DAB1: variants seen among roughly 807,000 people sequenced by gnomAD.
DAB1 encodes disabled homolog 1.
A neutral mutation model predicts 64.6 loss-of-function variants in DAB1; 15 were observed. That is an observed-to-expected ratio of 0.23 (90% CI 0.16 to 0.36). The LOEUF is 0.36. DAB1 is among the 10% of genes least tolerant of loss of function. The pLI, the probability that DAB1 is intolerant of heterozygous loss-of-function variation, is 1.00. For missense variants in DAB1, 596 were observed against 706.7 expected, an observed-to-expected ratio of 0.84 and a Z score of 1.78; for synonymous variants, 235 against 251.9, an observed-to-expected ratio of 0.93 and a Z score of 0.64.
At chr1:57,772,909 G>A (rs961717172) in intron 6 of DAB1, among the ~76,000 whole-genome samples, 1 of 151,998 alleles carries the variant, frequency 6.6e-6, no homozygotes, top group Non-Finnish European at 1.5e-5. Context: ...CCCATAAACC[G>A]AGTGACTGGT....
intron 6 of DAB1, among the ~76,000 whole-genome samples, chr1:57,684,630 C>G (rs1380761621): frequency 6.6e-6 from 1 of 152,062 alleles, no homozygotes; most frequent in Non-Finnish European, 1.5e-5. Flanking sequence ...TAGTGCTAAA[C>G]AGAATCAAAA....
intron 4 of DAB1, among the ~76,000 whole-genome samples, chr1:57,106,940 A>G (rs1160383374): frequency 3.3e-5 from 5 of 152,218 alleles, no homozygotes; most frequent in Admixed American, 3.3e-4. Flanking sequence ...TTGGGGTCTC[A>G]GGGAAAGTTC....
At position 57,596,413 on chromosome 1, in the gene DAB1, A is replaced by G. The variant is rs141432812; in HGVS notation, n.625+53179T>C. ...ACCTGAACATAAGATTGTCTTCCCC[A>G]GCACTTAGCACAATTAATAATTAAT... On this transcript the variant is annotated intron_variant and non_coding_transcript_variant, in intron 7 of 20. Transcript: ENST00000485760. Among the ~76,000 whole-genome samples the G allele has an allele frequency of 3.8e-3, 586 of 152,318 alleles. 4 individuals carry two copies. The highest frequency in any genetic ancestry group is 0.013 in the African/African-American group (561 of 41,570).
intron 9 of DAB1, among the ~76,000 whole-genome samples, chr1:57,039,421 G>C (rs1225799222): frequency 1.3e-5 from 2 of 152,184 alleles, no homozygotes; most frequent in African/African-American, 2.4e-5. Context: ...GTAGACAGGT[G>C]CCAGGTCATG....
chr1:57,185,499 G>A (rs569090859), intron 2 of DAB1, among the ~76,000 whole-genome samples: 2 of 148,348 alleles, frequency 1.3e-5, no homozygotes, highest in Non-Finnish European at 3.0e-5. Flanking sequence ...GAAAAAGAGA[G>A]AGGCAGGAAT....
chr1:57,238,483 C>G (rs958296317), intron 2 of DAB1, among the ~76,000 whole-genome samples: 2 of 152,204 alleles, frequency 1.3e-5, no homozygotes, highest in Non-Finnish European at 2.9e-5. Flanking sequence ...AAGATTCGCT[C>G]TCTTGCTCAC....
At chr1:58,170,398 T>C (rs984438004) in intron 4 of DAB1, among the ~76,000 whole-genome samples, 1 of 152,152 alleles carries the variant, frequency 6.6e-6, no homozygotes, top group Admixed American at 6.5e-5. Context: ...AGAGGGTCAA[T>C]TGATCCTAAA....
chr1:57,121,157 G>GAGGAGA (rs142198999), intron 4 of DAB1, among the ~76,000 whole-genome samples: 9,950 of 140,710 alleles, frequency 0.071, 1,101 homozygotes, highest in African/African-American at 0.24. Context: ...GGAGGAGGAG[G>GAGGAGA]AGGAGGAGAA....
chr1:57,711,576 CCA>C (rs939733086), intron 6 of DAB1, among the ~76,000 whole-genome samples: 1 of 152,176 alleles, frequency 6.6e-6, no homozygotes, highest in Non-Finnish European at 1.5e-5. Context: ...GCACTCTCAT[CCA>C]CAGTTTGGCA....
At chr1:58,359,314 A>C (rs1043846111) in intron 3 of DAB1, among the ~76,000 whole-genome samples, 1 of 152,216 alleles carries the variant, frequency 6.6e-6, no homozygotes, top group African/African-American at 2.4e-5. Context: ...AAATCAATGA[A>C]AGAGCCAGGA....
intron 3 of DAB1, among the ~76,000 whole-genome samples, chr1:58,461,909 C>A (rs1389230305): frequency 6.6e-6 from 1 of 152,108 alleles, no homozygotes; most frequent in East Asian, 1.9e-4. Context: ...CTGACAATTA[C>A]AAATATTTCT....
At chr1:58,428,340 C>A (rs974927903) in intron 3 of DAB1, among the ~76,000 whole-genome samples, 1 of 152,178 alleles carries the variant, frequency 6.6e-6, no homozygotes, top group African/African-American at 2.4e-5. Flanking sequence ...ACAGGAAATA[C>A]AGGAGACAGA....
intron 5 of DAB1, among the ~76,000 whole-genome samples, chr1:58,114,538 G>C (rs551449813): frequency 6.6e-6 from 1 of 152,210 alleles, no homozygotes; most frequent in East Asian, 1.9e-4. Flanking sequence ...ATGGCCCAGA[G>C]GCCAAATCTG....
intron 6 of DAB1, among the ~76,000 whole-genome samples, chr1:57,678,727 G>C (rs1032550305): frequency 6.7e-6 from 1 of 148,510 alleles, no homozygotes; most frequent in East Asian, 2.0e-4. Context: ...TATTTTCCAT[G>C]TATCTTCTCT....
intron 7 of DAB1, among the ~76,000 whole-genome samples, chr1:57,468,448 G>A (rs1687028405): frequency 6.6e-6 from 1 of 152,122 alleles, no homozygotes; most frequent in African/African-American, 2.4e-5. Flanking sequence ...CAACAGATAT[G>A]GATTAAGCTA....
chr1:57,341,884 C>T (rs888452111), intron 1 of DAB1, among the ~76,000 whole-genome samples: 3 of 152,184 alleles, frequency 2.0e-5, no homozygotes, highest in African/African-American at 7.2e-5. Flanking sequence ...ACAGTGAAAG[C>T]ACTGAGAAGC....
intron 7 of DAB1, among the ~76,000 whole-genome samples, chr1:57,495,686 A>G (rs59375981): frequency 6.1e-4 from 93 of 152,344 alleles, no homozygotes; most frequent in African/African-American, 2.2e-3. Context: ...GAAATATGGT[A>G]TAGGGTTCAA....
chr1:57,696,899 T>C (rs1171693553), intron 6 of DAB1, among the ~76,000 whole-genome samples: 5 of 152,206 alleles, frequency 3.3e-5, no homozygotes, highest in Non-Finnish European at 7.3e-5. Flanking sequence ...TGTGCTCTTC[T>C]TTTGAGACAC....
At chr1:57,910,365 A>G (rs1322540068) in intron 5 of DAB1, among the ~76,000 whole-genome samples, 3 of 152,222 alleles carry the variant, frequency 2.0e-5, no homozygotes, top group Non-Finnish European at 4.4e-5. Flanking sequence ...CACCCTCTCC[A>G]AGAGGCATGG....
Sources: allele counts gnomAD v4.1 joint callset (sites outside exome capture counted in the v4.1 genomes callset), GRCh38; gene constraint gnomAD v4.1.1; transcripts MANE v1.5; gene names NCBI Gene and HGNC (gene_info 2026-07-23, HGNC 2026-07-21).